The following MICAL3 variants were observed in gnomAD, a reference collection of about 807,000 sequenced individuals.
The protein encoded by MICAL3 is microtubule associated monooxygenase, calponin and LIM domain containing 3.
In MICAL3, 62 loss-of-function variants were observed where a neutral mutation model predicts 207.4. The ratio of observed to expected loss-of-function variants is 0.30; its 90% CI spans 0.24 to 0.37. The LOEUF (loss-of-function observed/expected upper bound fraction) is 0.37. Ranked by LOEUF, MICAL3 falls within the 10% of genes least tolerant of loss-of-function variation. The pLI is 1.00. For missense variants in MICAL3, 2,368 were observed against 2,635.6 expected (o/e 0.90, Z 2.22); for synonymous variants, 1,077 against 1,069.3 (o/e 1.01, Z -0.14).
intron 19 of MICAL3, among the ~76,000 whole-genome samples, chr22:17,856,951 A>ACCTTTT (rs935788284): frequency 1.3e-5 from 2 of 151,702 alleles, no homozygotes; most frequent in Non-Finnish European, 2.9e-5. Flanking sequence ...GAACCTACTG[A>ACCTTTT]CCTAGTCTCT....
intron 16 of MICAL3, chr22:17,879,343 T>C: frequency 6.2e-7 from 1 of 1,608,694 alleles, no homozygotes; most frequent in Non-Finnish European, 8.5e-7. Context: ...CATGCTCTTT[T>C]ACCCTCTCAT....
At chr22:17,833,298 G>A (rs538270833) in intron 20 of MICAL3, among the ~76,000 whole-genome samples, 6 of 142,528 alleles carry the variant, frequency 4.2e-5, no homozygotes, top group Non-Finnish European at 6.2e-5. Context: ...ATCTTTTTCA[G>A]GAGAGGCCTT....
intron 29 of MICAL3, among the ~76,000 whole-genome samples, chr22:17,805,977 A>G: frequency 6.6e-6 from 1 of 152,124 alleles, no homozygotes; most frequent in East Asian, 1.9e-4. Context: ...TGATCCGCCC[A>G]CCTCGGCCTC....
At chr22:17,929,587 T>TG (rs1933136661) in intron 1 of MICAL3, among the ~76,000 whole-genome samples, 1 of 145,386 alleles carries the variant, frequency 6.9e-6, no homozygotes, top group Non-Finnish European at 1.5e-5. Context: ...TTTTTTTTTT[T>TG]GACAGGGTCT....
At chr22:17,971,600 TGTGTTGGGGC>T (rs1436140527) in intron 1 of MICAL3, among the ~76,000 whole-genome samples, 1 of 152,138 alleles carries the variant, frequency 6.6e-6, no homozygotes, top group African/African-American at 2.4e-5. Context: ...CACCAGACAC[TGTGTTGGGGC>T]TAAGCACAGA....
intron 1 of MICAL3, among the ~76,000 whole-genome samples, chr22:17,952,299 G>A (rs893681449): frequency 3.9e-5 from 6 of 151,974 alleles, no homozygotes; most frequent in African/African-American, 7.2e-5. Context: ...CACTCTCCTC[G>A]CCAGACCCCT....
intron 7 of MICAL3, among the ~76,000 whole-genome samples, chr22:17,899,001 C>T (rs1276706975): frequency 6.6e-6 from 1 of 152,204 alleles, no homozygotes; most frequent in Non-Finnish European, 1.5e-5. Context: ...CTCTGTTGCT[C>T]CCCCTCCCAA....
chr22:17,949,237 T>A (rs1934221050), intron 1 of MICAL3, among the ~76,000 whole-genome samples: 1 of 152,072 alleles, frequency 6.6e-6, no homozygotes. Context: ...TATAACAAGA[T>A]TTCTCAAAGA....
At chr22:17,798,483 T>C (rs1410404782) in intron 29 of MICAL3, among the ~76,000 whole-genome samples, 1 of 152,090 alleles carries the variant, frequency 6.6e-6, no homozygotes, top group African/African-American at 2.4e-5. Context: ...TTCTCAGGCA[T>C]ATTTTGAGGC....
Position 17,817,558 on chromosome 22 carries a change from T to C in MICAL3, c.5103A>G (p.Ser1701=). ...GSSGKSKKRS[S]LFSPRRNKKE... is the part of the protein sequence containing the mutation. ...TCTTGTTTCTGCGGGGGGAGAAGAG[T>C]GACGACCTCTTCTTGCTCTTCCCAC... Residue 1701 remains serine, a synonymous_variant, in exon 26 of 32, where the codon TCA becomes TCG. Transcript: ENST00000441493. 15 of 1,612,960 alleles carry C rather than the reference T, an allele frequency of 9.3e-6. No homozygotes were observed. The highest frequency in any genetic ancestry group is 1.6e-4 in the Middle Eastern group (1 of 6,062).
chr22:17,814,902 C>G (rs2062087379), intron 27 of MICAL3: 1 of 152,098 alleles, frequency 6.6e-6, no homozygotes, highest in Non-Finnish European at 1.5e-5. Context: ...GCTTGGCCGT[C>G]CCGTAGGTCA....
intron 11 of MICAL3, among the ~76,000 whole-genome samples, chr22:17,891,997 C>T (rs996234920): frequency 5.3e-5 from 8 of 152,136 alleles, no homozygotes; most frequent in South Asian, 2.1e-4. Flanking sequence ...CCCGGACAGT[C>T]GCTGGCACCT....
chr22:17,963,665 A>G (rs1024223568), intron 1 of MICAL3, among the ~76,000 whole-genome samples: 5 of 152,148 alleles, frequency 3.3e-5, no homozygotes, highest in Non-Finnish European at 7.4e-5. Flanking sequence ...TCCATAAGCC[A>G]TAGGAGTCAC....
At chr22:17,877,580 A>ATGGAGGTTAGGGAG (rs1928970550) in intron 16 of MICAL3, among the ~76,000 whole-genome samples, 1 of 75,984 alleles carries the variant, frequency 1.3e-5, no homozygotes. Context: ...AGGTTAGGGA[A>ATGGAGGTTAGGGAG]GTTATGGAGG....
intron 1 of MICAL3, among the ~76,000 whole-genome samples, chr22:17,945,529 G>A (rs182571346): frequency 1.4e-4 from 21 of 152,250 alleles, no homozygotes; most frequent in East Asian, 1.2e-3. Context: ...TCACATTCCC[G>A]GGTGTCCCCA....
intron 19 of MICAL3, 182 bp from the exon 20 acceptor site, chr22:17,842,199 TGCA>T (rs1289498549): frequency 3.2e-6 from 2 of 619,580 alleles, no homozygotes; most frequent in Non-Finnish European, 5.7e-6. Context: ...AATTTCACTC[TGCA>T]GGAGAAAGGA....
intron 16 of MICAL3, among the ~76,000 whole-genome samples, chr22:17,879,041 T>C (rs537309548): frequency 3.2e-3 from 481 of 152,276 alleles, no homozygotes; most frequent in African/African-American, 0.011. Context: ...GGGGTAGAAA[T>C]AGTATGGTCT....
At chr22:17,863,551 A>C (rs1926743134) in intron 19 of MICAL3, 1 of 985,368 alleles carries the variant, frequency 1.0e-6, no homozygotes, top group South Asian at 4.7e-5. Flanking sequence ...AAAAGTCATT[A>C]ATGGTTGAAA....
At chr22:17,997,510 T>C (rs1253721474) in intron 1 of MICAL3, among the ~76,000 whole-genome samples, 2 of 152,190 alleles carry the variant, frequency 1.3e-5, no homozygotes, top group African/African-American at 4.8e-5. Flanking sequence ...TGTACTGCAA[T>C]AGAACATAAA....
Sources: allele counts gnomAD v4.1 joint callset (sites outside exome capture counted in the v4.1 genomes callset), GRCh38; gene constraint gnomAD v4.1.1; transcripts MANE v1.5; gene names NCBI Gene and HGNC (gene_info 2026-07-23, HGNC 2026-07-21).